The following PARG variants were observed in gnomAD, a reference collection of about 807,000 sequenced individuals.
The protein encoded by PARG is poly(ADP-ribose) glycohydrolase.
Under a neutral mutation model 113.0 loss-of-function variants are expected in PARG, and 35 were observed. That is an observed-to-expected ratio of 0.31 (90% CI 0.24 to 0.41). PARG has a LOEUF of 0.41. Among genes scored for constraint, PARG ranks in the 10% least tolerant of loss-of-function variants. PARG has a pLI of 1.00. For synonymous variants in PARG, 330 were observed against 409.9 expected (o/e 0.81, Z 2.36); for missense variants, 797 against 1,169.4 (o/e 0.68, Z 4.64).
intron 7 of PARG, among the ~76,000 whole-genome samples, chr10:49,891,590 CATATATATATATATAT>C (rs1211471476): frequency 0.015 from 746 of 48,620 alleles, 14 homozygotes; most frequent in Non-Finnish European, 0.019. Flanking sequence ...TCCTATGGTC[CATATATATATATATAT>C]ATATATATAT....
At chr10:49,895,978 T>A (rs1376571150) in intron 7 of PARG, among the ~76,000 whole-genome samples, 1 of 152,208 alleles carries the variant, frequency 6.6e-6, no homozygotes, top group African/African-American at 2.4e-5. Context: ...TTAGTTCTAA[T>A]AGTTATTTTT....
chr10:49,918,770 C>T (rs1837636787), intron 6 of PARG, among the ~76,000 whole-genome samples: 1 of 152,070 alleles, frequency 6.6e-6, no homozygotes, highest in South Asian at 2.1e-4. Flanking sequence ...TTACCATAAG[C>T]AGATAGAAAA....
At position 49,931,588 on chromosome 10, in the gene PARG, C is replaced by G. The variant is rs1342496490; in HGVS notation, c.1455+512G>C. Among the ~76,000 whole-genome samples, 15 of 151,872 alleles carry G rather than the reference C, an allele frequency of 9.9e-5. No homozygotes were observed. The East Asian group carries it at 2.5e-3, about 26-fold the overall frequency. ...TCTTCTGACCCAACCAATCAGCACT[C>G]TCGACTCACTGGCCTTCCCCAACCC... On this transcript the variant is annotated intron_variant, in intron 4 of 17. Coordinates refer to ENST00000616448, the MANE Select transcript of PARG (RefSeq NM_003631.5).
chr10:49,933,496 C>T lies in PARG; in HGVS notation c.952G>A (p.Ala318Thr), dbSNP rs1360281245. 1 of 1,609,818 alleles carries T rather than the reference C, an allele frequency of 6.2e-7. No individual in the cohort carries two copies. Reference protein sequence around the residue: ...NSKNSCQDSEADEETSPGFDE... With the variant: ...NSKNSCQDSETDEETSPGFDE... ...AAACCTGGACTTGTCTCCTCATCTG[C>T]TTCTGAGTCTTGACAACTATTTTTA... Residue 318 changes from alanine (A) to threonine (T), a missense_variant, in exon 3 of 18, where the codon GCA (alanine) becomes ACA (threonine). Transcript: ENST00000616448.
At chr10:49,855,028 G>T (rs1334247067) in intron 13 of PARG, among the ~76,000 whole-genome samples, 26 of 150,384 alleles carry the variant, frequency 1.7e-4, no homozygotes, top group Admixed American at 8.0e-4. Flanking sequence ...GAGGAGCCCA[G>T]ATGTTGGACT....
rs782239735 is a variant in PARG, at chr10:49,869,525, C to T, written c.2019G>A (p.Pro673=). 375 of 1,324,398 alleles carry T rather than the reference C, an allele frequency of 2.8e-4. No homozygotes were observed. The highest frequency in any genetic ancestry group is 2.6e-4 in the Middle Eastern group (1 of 3,892). The allele number at this position is 1,324,398 out of a possible 1,614,324, so 82.0% of individuals were successfully genotyped here. The part of the protein sequence containing the change: ...RLFEGRSSRK[P]EKLKTLFCYF... Reference sequence around the variant, plus strand: ...AGCAGAAGAGCGTTTTAAGTTTCTCCGGTTTCCTTGATGAACGTCCCTCAA... The same window carrying T: ...AGCAGAAGAGCGTTTTAAGTTTCTCTGGTTTCCTTGATGAACGTCCCTCAA... The change falls in exon 10 of 18, where the codon CCG becomes CCA. Residue 673 remains proline (P), a synonymous_variant. Transcript: ENST00000616448.
chr10:49,876,827 T>G (rs1474725370), intron 9 of PARG, among the ~76,000 whole-genome samples: 6 of 151,010 alleles, frequency 4.0e-5, no homozygotes, highest in Admixed American at 6.6e-5. Context: ...AACTAAACAT[T>G]GACTAAATAC....
chr10:49,933,234 T>C lies in PARG; in HGVS notation c.1214A>G (p.Lys405Arg). 1 of 1,592,388 alleles carries C rather than the reference T, an allele frequency of 6.3e-7. No individual in the cohort carries two copies. Residue 405 changes from lysine to arginine, a missense_variant, in exon 3 of 18, where the codon AAA becomes AGA. Transcript: ENST00000616448. Reference sequence around the variant, plus strand: ...ATGATCTGTGATTTTAGAATCCTTTTTTCCATGTTGCTTAGAATTTCTGCA... The same window carrying C: ...ATGATCTGTGATTTTAGAATCCTTTCTTCCATGTTGCTTAGAATTTCTGCA... ...VECRNSKQHGKKDSKITDHFM... is the reference protein window; with the variant it reads ...VECRNSKQHGRKDSKITDHFM...
At position 49,932,142 on chromosome 10, in the gene PARG, C is replaced by A; in HGVS notation, c.1413G>T (p.Leu471=). 1.2e-6 allele frequency: 2 copies of A among 1,606,234 alleles called. No individual in the cohort carries two copies. The highest frequency in any genetic ancestry group is 2.2e-5 in the South Asian group (2 of 90,916). ...MRRMPRCGIR[L]PLLRPSANHT... is the part of the protein sequence containing the mutation. ...GATTGGCAGATGGTCTCAAGAGAGG[C>A]AGCCGGATCCCACACCGAGGCATTC... The change falls in exon 4 of 18, where the codon CTG becomes CTT. Residue 471 remains leucine (L), a synonymous_variant. Coordinates refer to ENST00000616448, the MANE Select transcript of PARG (RefSeq NM_003631.5).
In PARG at chr10:49,820,282, T is replaced by A. The variant is rs554713144; in HGVS notation, c.2659A>T (p.Ile887Leu). Reference protein sequence around the residue: ...GDARLKALIQILAAAAAERDV... With the variant: ...GDARLKALIQLLAAAAAERDV... ...CGCTCAGCTGCAGCAGCTGCCAATA[T>A]CTGTATTAAGGCTGAGGCAAAGAGA... is the stretch of plus-strand genomic sequence containing the variant. Residue 887 changes from isoleucine (I) to leucine (L), a missense_variant, in exon 17 of 18, where the codon ATA becomes TTA. Around this residue, in one of 5 missense-constraint regions of PARG, gnomAD observed 194 missense variants for 247.1 expected, o/e 0.79. Transcript: ENST00000616448. 5.9e-5 allele frequency: 91 copies of A among 1,548,692 alleles called. No homozygotes were observed. In the African/African-American group the frequency reaches 1.2e-3, roughly 20 times the overall value.
chr10:49,880,638 C>A (rs1340923979), intron 8 of PARG, among the ~76,000 whole-genome samples: 1 of 152,094 alleles, frequency 6.6e-6, no homozygotes, highest in Non-Finnish European at 1.5e-5. Context: ...TGAACCCCTC[C>A]TCTCGACCAA....
At chr10:49,907,122 A>G (rs1228382284) in intron 7 of PARG, among the ~76,000 whole-genome samples, 1 of 152,174 alleles carries the variant, frequency 6.6e-6, no homozygotes, top group African/African-American at 2.4e-5. Flanking sequence ...ATTTGAAAAT[A>G]TTCCATATTT....
chr10:49,852,702 C>T (rs1845810889), intron 13 of PARG, among the ~76,000 whole-genome samples: 1 of 151,218 alleles, frequency 6.6e-6, no homozygotes, highest in African/African-American at 2.4e-5. Flanking sequence ...GTAGCTGGGA[C>T]TACGGGCACA....
At chr10:49,915,725 A>G (rs1245093986) in intron 7 of PARG, among the ~76,000 whole-genome samples, 192 bp downstream of exon 7, 3 of 151,482 alleles carry the variant, frequency 2.0e-5, no homozygotes, top group South Asian at 2.1e-4. Context: ...GAAAATGTGT[A>G]TTCTAAGAGA....
chr10:49,903,814 A>G (rs1848451850), intron 7 of PARG, among the ~76,000 whole-genome samples: 1 of 151,938 alleles, frequency 6.6e-6, no homozygotes, highest in East Asian at 1.9e-4. Context: ...GATGCCAGAG[A>G]GGTGGGCAGA....
intron 8 of PARG, among the ~76,000 whole-genome samples, chr10:49,883,869 A>G (rs1368632449): frequency 1.4e-5 from 2 of 146,950 alleles, no homozygotes; most frequent in African/African-American, 4.9e-5. Context: ...CTAGCTTCCA[A>G]TGAACAGAAA....
At chr10:49,892,750 C>G (rs1483957079) in intron 7 of PARG, among the ~76,000 whole-genome samples, 1 of 152,122 alleles carries the variant, frequency 6.6e-6, no homozygotes, top group Admixed American at 6.5e-5. Flanking sequence ...AGGTAAGTTG[C>G]AAGCATTCCA....
chr10:49,854,973 T>C (rs1192412573), intron 13 of PARG, among the ~76,000 whole-genome samples: 1 of 140,020 alleles, frequency 7.1e-6, no homozygotes, highest in Non-Finnish European at 1.6e-5. Flanking sequence ...TGAGAAAGTA[T>C]GGCCCATACT....
chr10:49,845,469 T>C (rs1430074703), intron 13 of PARG, among the ~76,000 whole-genome samples: 1 of 152,210 alleles, frequency 6.6e-6, no homozygotes, highest in East Asian at 1.9e-4. Context: ...AAGGGTGCAC[T>C]GGAACTCTCA....
Sources: gnomAD v4.1 joint callset for allele counts (sites outside exome capture counted in the v4.1 genomes callset) on GRCh38, gnomAD v4.1.1 for gene constraint, gnomAD v4.1.1 regional missense constraint, MANE v1.5 for transcripts, NCBI Gene and HGNC (gene_info 2026-07-23, HGNC 2026-07-21) for gene names.